WDR1: variants seen among roughly 807,000 people sequenced by gnomAD.
WDR1 encodes the protein WD repeat-containing protein 1.
WDR1 carries 21 observed loss-of-function variants against 71.9 expected under a neutral mutation model. The ratio of observed to expected loss-of-function variants is 0.29; its 90% CI spans 0.21 to 0.42. The LOEUF is 0.42. Ranked by LOEUF, WDR1 falls within the 10% of genes least tolerant of loss-of-function variation. The pLI, the probability that WDR1 is intolerant of heterozygous loss-of-function variation, is 1.00. For missense variants in WDR1, 696 were observed against 824.5 expected (o/e 0.84, Z 1.91); for synonymous variants, 424 against 347.4 (o/e 1.22, Z -2.45).
intron 3 of WDR1, among the ~76,000 whole-genome samples, chr4:10,099,917 C>A (rs1712588103): frequency 6.6e-6 from 1 of 152,214 alleles, no homozygotes; most frequent in African/African-American, 2.4e-5. Flanking sequence ...CCAATTGTAA[C>A]AGAAGCAACA....
chr4:10,104,017 G>A (rs777052921), intron 2 of WDR1, 31 bp from the exon 3 acceptor site: 3 of 1,568,816 alleles, frequency 1.9e-6, no homozygotes, highest in Non-Finnish European at 2.6e-6. Context: ...ATGAACAGAA[G>A]GAATGGAGAA....
At chr4:10,080,390 C>T (rs567714638) in intron 11 of WDR1, among the ~76,000 whole-genome samples, 2 of 152,330 alleles carry the variant, frequency 1.3e-5, no homozygotes, top group South Asian at 2.1e-4. Context: ...CGCTTTGTAG[C>T]GTTTCCCCCA....
intron 2 of WDR1, among the ~76,000 whole-genome samples, chr4:10,112,414 C>G (rs1176025954): frequency 6.6e-6 from 1 of 152,210 alleles, no homozygotes; most frequent in Non-Finnish European, 1.5e-5. Flanking sequence ...TTGGAGCTCT[C>G]TCCTTCTGGA....
At chr4:10,097,176 G>A (rs532279498) in intron 5 of WDR1, among the ~76,000 whole-genome samples, 80 of 152,396 alleles carry the variant, frequency 5.2e-4, no homozygotes, top group African/African-American at 1.6e-3. Flanking sequence ...CACGGCATGG[G>A]CCTCTGAGAT....
intron 3 of WDR1, among the ~76,000 whole-genome samples, chr4:10,101,262 C>A (rs1712669368): frequency 6.6e-6 from 1 of 152,240 alleles, no homozygotes; most frequent in Non-Finnish European, 1.5e-5. Flanking sequence ...CGCAGCCCTT[C>A]CCAAGGTTCA....
rs990281344 is a variant in WDR1, at chr4:10,113,095, C to T, written c.138+3018G>A. On this transcript the variant is annotated intron_variant, in intron 2 of 14. Coordinates refer to ENST00000499869, the MANE Select transcript of WDR1 (RefSeq NM_017491.5). ...GAAAGGCCTAGTGTGGTGGCTCACG[C>T]CTGTATCCCAGGACTTTGGGAGGCC... Among the ~76,000 whole-genome samples the T allele has an allele frequency of 5.3e-5, 8 of 152,366 alleles. No homozygotes were observed. In the East Asian group the frequency reaches 1.5e-3, roughly 29 times the overall value.
intron 2 of WDR1, chr4:10,115,806 C>T (rs73212886): frequency 0.18 from 50,007 of 276,956 alleles, 5,517 homozygotes; most frequent in Middle Eastern, 0.24. Context: ...CTCCCATCCA[C>T]GTACTAACCA....
intron 3 of WDR1, 45 bp from the exon 4 acceptor site, chr4:10,099,184 G>GGGGGGGGGGGGGGGGT: frequency 4.4e-6 from 2 of 450,126 alleles, no homozygotes; most frequent in Non-Finnish European, 8.1e-6. Flanking sequence ...CGGTGGTGGG[G>GGGGGGGGGGGGGGGGT]TAAAGGGCAG....
At chr4:10,112,142 G>C (rs777267040) in intron 2 of WDR1, among the ~76,000 whole-genome samples, 1 of 151,700 alleles carries the variant, frequency 6.6e-6, no homozygotes, top group African/African-American at 2.4e-5. Flanking sequence ...GGATGGTCCC[G>C]TGCCCTGTTT....
chr4:10,103,289 GACACACACACACACACACAC>G (rs5856034), intron 3 of WDR1, among the ~76,000 whole-genome samples: 8 of 147,022 alleles, frequency 5.4e-5, no homozygotes, highest in Non-Finnish European at 9.1e-5. Context: ...CACACACACA[GACACACACACACACACACAC>G]ACACACACAC....
intron 7 of WDR1, 79 bp from the exon 8 acceptor site, chr4:10,088,019 G>A (rs1332867461): frequency 1.5e-6 from 2 of 1,352,012 alleles, no homozygotes; most frequent in Non-Finnish European, 2.0e-6. Context: ...CTTGTCCACT[G>A]CGACTGTTTG....
chr4:10,093,277 C>G, intron 5 of WDR1: 1 of 560,406 alleles, frequency 1.8e-6, no homozygotes, highest in East Asian at 7.0e-5. Flanking sequence ...GTTCACATGC[C>G]TATGAGCTGG....
chr4:10,084,398 C>A, intron 9 of WDR1, 45 bp downstream of exon 9: 2 of 1,578,350 alleles, frequency 1.3e-6, no homozygotes, highest in South Asian at 1.1e-5. Flanking sequence ...AAATTCCCCC[C>A]TAGAGCCAGC....
intron 14 of WDR1, 98 bp from the exon 15 acceptor site, chr4:10,075,582 T>G: frequency 8.8e-7 from 1 of 1,131,980 alleles, no homozygotes; most frequent in Non-Finnish European, 1.3e-6. Flanking sequence ...CTAAATCATC[T>G]CCAGGGCCAA....
At chr4:10,092,250 C>G (rs980919237) in intron 5 of WDR1, 1 of 152,250 alleles carries the variant, frequency 6.6e-6, no homozygotes, top group Non-Finnish European at 1.5e-5. Context: ...GCCCGAATCA[C>G]CCAAGCCCAG....
intron 8 of WDR1, among the ~76,000 whole-genome samples, chr4:10,085,469 C>T (rs1765174048): frequency 1.3e-5 from 2 of 152,330 alleles, no homozygotes; most frequent in African/African-American, 2.4e-5. Context: ...CTGAGCTGGG[C>T]GGCCTCCTTC....
chr4:10,116,545 C>T, intron 1 of WDR1, 106 bp downstream of exon 1: 3 of 910,656 alleles, frequency 3.3e-6, no homozygotes, highest in Non-Finnish European at 2.7e-6. Flanking sequence ...CCGCACCCCT[C>T]CCCCGCGCCG....
At chr4:10,088,418 C>A (rs1204205601) in intron 6 of WDR1, 45 bp from the exon 7 acceptor site, 2 of 1,524,080 alleles carry the variant, frequency 1.3e-6, no homozygotes, top group Non-Finnish European at 1.8e-6. Flanking sequence ...TGTGAACACC[C>A]TCTGGAGTAA....
At chr4:10,113,761 G>T (rs189320109) in intron 2 of WDR1, among the ~76,000 whole-genome samples, 2 of 152,224 alleles carry the variant, frequency 1.3e-5, no homozygotes, top group Non-Finnish European at 2.9e-5. Context: ...GGAGTCAGAA[G>T]GATTTACTAA....
Sources: gnomAD v4.1 joint callset for allele counts (sites outside exome capture counted in the v4.1 genomes callset) on GRCh38, gnomAD v4.1.1 for gene constraint, MANE v1.5 for transcripts, NCBI Gene and HGNC (gene_info 2026-07-23, HGNC 2026-07-21) for gene names.